The following GALNTL5 variants were observed in gnomAD, a reference collection of about 807,000 sequenced individuals.
GALNTL5 encodes polypeptide N-acetylgalactosaminyltransferase like 5.
Under a neutral mutation model 51.0 loss-of-function variants are expected in GALNTL5, and 44 were observed. The ratio of observed to expected loss-of-function variants is 0.86; its 90% CI spans 0.68 to 1.11. The LOEUF (loss-of-function observed/expected upper bound fraction) is 1.11. Ranked by LOEUF, GALNTL5 falls within the 50% of genes least tolerant of loss-of-function variation. The pLI is 0.00. For missense variants in GALNTL5, 528 were observed against 531.8 expected, an observed-to-expected ratio of 0.99 and a Z score of 0.07; for synonymous variants, 192 against 182.8, an observed-to-expected ratio of 1.05 and a Z score of -0.41.
At chr7:151,988,686 C>T (rs2081391379) in intron 5 of GALNTL5, among the ~76,000 whole-genome samples, 1 of 150,568 alleles carries the variant, frequency 6.6e-6, no homozygotes, top group South Asian at 2.1e-4. Flanking sequence ...CGTGTGTATA[C>T]ACAGGGTTAA....
chr7:151,992,266 T>A (rs2081437217), intron 5 of GALNTL5, among the ~76,000 whole-genome samples: 1 of 151,784 alleles, frequency 6.6e-6, no homozygotes, highest in African/African-American at 2.4e-5. Flanking sequence ...TTCATGGGAA[T>A]AATTCTGACT....
intron 5 of GALNTL5, among the ~76,000 whole-genome samples, chr7:151,996,074 T>G (rs1486761311): frequency 6.6e-6 from 1 of 152,220 alleles, no homozygotes; most frequent in Non-Finnish European, 1.5e-5. Flanking sequence ...TCCAGATGGC[T>G]AGGTTTAACA....
chr7:151,981,293 A>G (rs894423285), intron 3 of GALNTL5, among the ~76,000 whole-genome samples: 1 of 152,324 alleles, frequency 6.6e-6, no homozygotes, highest in East Asian at 1.9e-4. Flanking sequence ...TGCGCCTTCT[A>G]TCTGAATACT....
intron 8 of GALNTL5, among the ~76,000 whole-genome samples, chr7:152,018,028 C>T (rs2081841651): frequency 6.6e-6 from 1 of 152,042 alleles, no homozygotes; most frequent in Non-Finnish European, 1.5e-5. Context: ...ATATTTTTAA[C>T]AGAGACGGGG....
At chr7:152,019,238 G>T (rs2081858293) in intron 8 of GALNTL5, among the ~76,000 whole-genome samples, 1 of 152,224 alleles carries the variant, frequency 6.6e-6, no homozygotes, top group South Asian at 2.1e-4. Flanking sequence ...CTGTACTCCT[G>T]CAGGATCTAT....
intron 1 of GALNTL5, among the ~76,000 whole-genome samples, chr7:151,962,498 T>C (rs1444108029): frequency 6.7e-6 from 1 of 148,218 alleles, no homozygotes; most frequent in Non-Finnish European, 1.5e-5. Flanking sequence ...CTGTAAATAC[T>C]GTTCCTTAAT....
chr7:151,978,654 G>T (rs2081235760), intron 3 of GALNTL5, among the ~76,000 whole-genome samples: 1 of 152,198 alleles, frequency 6.6e-6, no homozygotes, highest in African/African-American at 2.4e-5. Flanking sequence ...AGTTTTGGAG[G>T]CCAGAAATCT....
At chr7:151,986,837 T>C (rs1969555) in intron 4 of GALNTL5, among the ~76,000 whole-genome samples, 148,589 of 151,366 alleles carry the variant, frequency 0.98, 72,993 homozygotes, top group East Asian at 1. Context: ...AAGCGATTCT[T>C]TTGCCTCAGC....
intron 1 of GALNTL5, among the ~76,000 whole-genome samples, chr7:151,963,817 T>G (rs2081023751): frequency 6.6e-6 from 1 of 152,222 alleles, no homozygotes; most frequent in African/African-American, 2.4e-5. Flanking sequence ...AGCACCTTCT[T>G]TGATCTCTCT....
chr7:151,957,584 A>G (rs904721107), intron 1 of GALNTL5, among the ~76,000 whole-genome samples: 1 of 151,872 alleles, frequency 6.6e-6, no homozygotes, highest in Non-Finnish European at 1.5e-5. Flanking sequence ...AAAAGAAAGA[A>G]ACTCAATGAC....
At chr7:152,016,894 C>G (rs555741615) in intron 8 of GALNTL5, among the ~76,000 whole-genome samples, 1 of 151,674 alleles carries the variant, frequency 6.6e-6, no homozygotes, top group African/African-American at 2.4e-5. Flanking sequence ...AAAAATTAGC[C>G]GGGCATGGTG....
rs992919061 is a variant in GALNTL5, at chr7:151,972,418, C to A, written c.368+1353C>A. On this transcript the variant is annotated intron_variant, in intron 3 of 8. Coordinates refer to ENST00000392800, the MANE Select transcript of GALNTL5 (RefSeq NM_145292.4). ...TTCTGGGGAGAAATTCAAGCCCAATCCAGCTGCAGAAATTTGCATAAGTAA... is the reference window on the plus strand; with the variant it reads ...TTCTGGGGAGAAATTCAAGCCCAATACAGCTGCAGAAATTTGCATAAGTAA... 2.0e-5 allele frequency among the ~76,000 whole-genome samples: 3 copies of A among 152,164 alleles called. No individual in the cohort carries two copies. In the East Asian group the frequency reaches 5.8e-4, roughly 29 times the overall value.
intron 5 of GALNTL5, among the ~76,000 whole-genome samples, chr7:152,001,161 C>T (rs896759452): frequency 6.6e-6 from 1 of 151,940 alleles, no homozygotes; most frequent in African/African-American, 2.4e-5. Context: ...GATCCACCCC[C>T]CTCAGCCTCC....
intron 7 of GALNTL5, among the ~76,000 whole-genome samples, chr7:152,011,183 T>C (rs570143534): frequency 6.6e-6 from 1 of 152,294 alleles, no homozygotes; most frequent in South Asian, 2.1e-4. Context: ...CCAGCTCAGT[T>C]CCACCCTGTT....
At position 151,995,669 on chromosome 7, in the gene GALNTL5, A is replaced by ATT. The variant is rs150926941; in HGVS notation, c.659-7038_659-7037dup. Among the ~76,000 whole-genome samples, 5 of 151,486 alleles carry ATT rather than the reference A, an allele frequency of 3.3e-5. No individual in the cohort carries two copies. In the East Asian group the frequency reaches 5.8e-4, roughly 18 times the overall value. Reference sequence around the variant, plus strand: ...ATGATCAGATAAGGACATCACCTACATTTTTTTTGGCATTATGTACTAAAT... The same window carrying ATT: ...ATGATCAGATAAGGACATCACCTACATTTTTTTTTTGGCATTATGTACTAAAT... On this transcript the variant is annotated intron_variant, in intron 5 of 8. Coordinates refer to ENST00000392800, the MANE Select transcript of GALNTL5 (RefSeq NM_145292.4).
chr7:152,002,385 C>T (rs1280918583), intron 5 of GALNTL5, among the ~76,000 whole-genome samples: 2 of 151,982 alleles, frequency 1.3e-5, no homozygotes, highest in Non-Finnish European at 2.9e-5. Context: ...TAAAAATTTG[C>T]TAAATTTAAG....
chr7:152,002,622 C>A, intron 5 of GALNTL5, 92 bp from the exon 6 acceptor site: 1 of 1,380,690 alleles, frequency 7.2e-7, no homozygotes, highest in Non-Finnish European at 1.0e-6. Flanking sequence ...ATAGTAAATG[C>A]TCAAGAAATA....
chr7:151,990,592 AGC>A (rs2081416535), intron 5 of GALNTL5, among the ~76,000 whole-genome samples: 1 of 147,076 alleles, frequency 6.8e-6, no homozygotes. Flanking sequence ...AAAAAAAAAA[AGC>A]CCACTTTCTC....
At chr7:151,957,525 G>A (rs1180652995) in intron 1 of GALNTL5, among the ~76,000 whole-genome samples, 1 of 149,786 alleles carries the variant, frequency 6.7e-6, no homozygotes, top group Non-Finnish European at 1.5e-5. Flanking sequence ...CCCCAACCTG[G>A]GCAGCAGAGC....
Sources: allele counts gnomAD v4.1 joint callset (sites outside exome capture counted in the v4.1 genomes callset), GRCh38; gene constraint gnomAD v4.1.1; transcripts MANE v1.5; gene names NCBI Gene and HGNC (gene_info 2026-07-23, HGNC 2026-07-21).